The following RAB2B variants were observed in gnomAD, a reference collection of about 807,000 sequenced individuals.
RAB2B encodes ras-related protein Rab-2B.
A neutral mutation model predicts 29.8 loss-of-function variants in RAB2B; 20 were observed. That is an observed-to-expected ratio of 0.67 (90% CI 0.47 to 0.97). The LOEUF (loss-of-function observed/expected upper bound fraction) is 0.97, where lower values mean the gene tolerates loss of function less well. Ranked by LOEUF, RAB2B falls within the 50% of genes least tolerant of loss-of-function variation. RAB2B has a pLI of 0.00. For missense variants in RAB2B, 218 were observed against 272.0 expected (o/e 0.80, Z 1.40); for synonymous variants, 93 against 91.7 (o/e 1.01, Z -0.08).
At chr14:21,471,081 G>A (rs943946621) in intron 3 of RAB2B, among the ~76,000 whole-genome samples, 2 of 151,586 alleles carry the variant, frequency 1.3e-5, no homozygotes, top group African/African-American at 2.4e-5. Context: ...GCTAAGGCAG[G>A]AGAACTGCTT....
At chr14:21,475,005 C>T (rs1487885325) in intron 2 of RAB2B, 71 bp from the exon 3 acceptor site, 2 of 1,235,376 alleles carry the variant, frequency 1.6e-6, no homozygotes, top group East Asian at 2.3e-5. Context: ...GAGGTTCCTG[C>T]CTTTCCTCAA....
intron 5 of RAB2B, among the ~76,000 whole-genome samples, chr14:21,464,892 A>G (rs565443424): frequency 1.3e-5 from 2 of 152,224 alleles, no homozygotes; most frequent in African/African-American, 4.8e-5. Context: ...AGTCCCAGCT[A>G]CGTGAGAGGC....
chr14:21,474,670 T>C, intron 3 of RAB2B, 197 bp downstream of exon 3: 1 of 539,960 alleles, frequency 1.9e-6, no homozygotes, highest in Admixed American at 3.4e-5. Context: ...AAACTATTAC[T>C]TGGATCGTTT....
intron 1 of RAB2B, 32 bp downstream of exon 1, chr14:21,476,795 C>G: frequency 6.2e-7 from 1 of 1,612,448 alleles, no homozygotes; most frequent in Middle Eastern, 1.7e-4. Context: ...AATGCCCGCC[C>G]GAGCCTTGAA....
chr14:21,472,720 A>C (rs1199690392), intron 3 of RAB2B, among the ~76,000 whole-genome samples: 1 of 152,042 alleles, frequency 6.6e-6, no homozygotes, highest in Non-Finnish European at 1.5e-5. Context: ...CGTGGCTCTC[A>C]ACTTTCCTTT....
intron 5 of RAB2B, among the ~76,000 whole-genome samples, chr14:21,464,546 G>A (rs1213070874): frequency 6.6e-6 from 1 of 152,154 alleles, no homozygotes; most frequent in African/African-American, 2.4e-5. Context: ...AAACACAGTT[G>A]TCTTAAGTCT....
intron 6 of RAB2B, 58 bp downstream of exon 6, chr14:21,463,597 CA>C (rs1464868653): frequency 8.4e-7 from 1 of 1,191,964 alleles, no homozygotes; most frequent in Non-Finnish European, 1.2e-6. Flanking sequence ...ATTCTGAATA[CA>C]AGGACAAATA....
rs1890486524 is a variant in RAB2B at position 21,459,458 on chromosome 14, A to C, written c.*1738T>G. On this transcript the variant is annotated 3_prime_UTR_variant, in exon 8 of 8. Transcript: ENST00000397762. ...TTAAGTTTTTAACTATGTCAGTCAA[A>C]TTCAATGAACACATAATGAGTAGCA... The C allele has an allele frequency of 6.6e-6, 1 of 152,210 alleles. No individual in the cohort carries two copies. The highest frequency in any genetic ancestry group is 1.5e-5 in the Non-Finnish European group (1 of 68,036). The allele number at this position is 152,210 out of a possible 1,614,324, so 9.4% of individuals were successfully genotyped here. A position where few individuals can be genotyped will look rare whatever the true frequency, so the allele number is the denominator to read the frequency against.
In RAB2B at chr14:21,468,236, A is replaced by G. The variant is rs887672168; in HGVS notation, c.362+121T>C. 36 of 705,942 alleles carry G rather than the reference A, an allele frequency of 5.1e-5. No individual in the cohort carries two copies. In the South Asian group the frequency reaches 7.0e-4, roughly 14 times the overall value. The allele number at this position is 705,942 out of a possible 1,614,324, so 43.7% of individuals were successfully genotyped here. ...TGTGTCATATATATTTTATCACAAC[A>G]AAATTTTTTTTTTTTACTGAAACAC... On this transcript the variant is annotated intron_variant, in intron 5 of 7. Coordinates refer to ENST00000397762, the MANE Select transcript of RAB2B (RefSeq NM_032846.4).
intron 3 of RAB2B, among the ~76,000 whole-genome samples, chr14:21,469,694 C>T (rs1288095845): frequency 1.3e-5 from 2 of 152,166 alleles, no homozygotes; most frequent in Admixed American, 6.5e-5. Context: ...TTTATCCTTA[C>T]ATCCCTACAT....
rs184486418 is a variant in RAB2B at position 21,460,282 on chromosome 14, T to C, written c.*914A>G. Reference sequence around the variant, plus strand: ...AATTCTTAGTGGGAAGTGGATTGTATATGCTTACGAAATTATTTATTTAGG... The same window carrying C: ...AATTCTTAGTGGGAAGTGGATTGTACATGCTTACGAAATTATTTATTTAGG... On this transcript the variant is annotated 3_prime_UTR_variant, in exon 8 of 8. Coordinates refer to ENST00000397762, the MANE Select transcript of RAB2B (RefSeq NM_032846.4). 13 of 518,364 alleles carry C rather than the reference T, an allele frequency of 2.5e-5. No individual in the cohort carries two copies. Among genetic ancestry groups the C allele is most frequent in the Non-Finnish European group, 3.9e-5 (10 of 259,656 alleles). 32.1% of individuals were successfully genotyped at this position (518,364 alleles called of 1,614,324 possible). A position where few individuals can be genotyped will look rare whatever the true frequency, so the allele number is the denominator to read the frequency against.
chr14:21,469,253 T>A (rs926487139), intron 3 of RAB2B, among the ~76,000 whole-genome samples: 2 of 152,170 alleles, frequency 1.3e-5, no homozygotes, highest in African/African-American at 4.8e-5. Context: ...TGCCAAAACC[T>A]GGTCTAATAG....
chr14:21,464,057 T>C (rs1890631515), intron 5 of RAB2B, among the ~76,000 whole-genome samples: 1 of 152,154 alleles, frequency 6.6e-6, no homozygotes, highest in Non-Finnish European at 1.5e-5. Context: ...GCTTATGCTC[T>C]ATTGCTTGTT....
chr14:21,468,478 CAG>C, intron 4 of RAB2B, 29 bp from the exon 5 acceptor site: 2 of 1,596,948 alleles, frequency 1.3e-6, no homozygotes, highest in Non-Finnish European at 1.7e-6. Flanking sequence ...GAATGTGGGT[CAG>C]AGACACATTT....
intron 3 of RAB2B, among the ~76,000 whole-genome samples, chr14:21,469,823 A>C (rs1229300698): frequency 6.6e-6 from 1 of 152,200 alleles, no homozygotes; most frequent in Non-Finnish European, 1.5e-5. Context: ...ACTAATTATA[A>C]CACTGCAATA....
chr14:21,471,442 C>T (rs1345580026), intron 3 of RAB2B, among the ~76,000 whole-genome samples: 1 of 151,786 alleles, frequency 6.6e-6, no homozygotes, highest in Non-Finnish European at 1.5e-5. Flanking sequence ...CATGGTGAAA[C>T]CACGCCTCTA....
chr14:21,464,813 G>A (rs1890649195), intron 5 of RAB2B, among the ~76,000 whole-genome samples: 1 of 152,120 alleles, frequency 6.6e-6, no homozygotes, highest in South Asian at 2.1e-4. Flanking sequence ...AGAACAGCCT[G>A]CACAATACAG....
At chr14:21,466,543 C>T (rs1035118216) in intron 5 of RAB2B, among the ~76,000 whole-genome samples, 2 of 152,222 alleles carry the variant, frequency 1.3e-5, no homozygotes, top group Admixed American at 6.5e-5. Flanking sequence ...CCTGTGGCCA[C>T]AGTTCTCAAA....
In RAB2B at chr14:21,476,823, T is replaced by C. The variant is rs771769394; in HGVS notation, c.46+4A>G. 5 of 1,604,340 alleles carry C rather than the reference T, an allele frequency of 3.1e-6. No homozygotes were observed. In the East Asian group the frequency reaches 6.8e-5, roughly 22 times the overall value. On this transcript the variant is annotated splice_donor_region_variant and intron_variant, in intron 1 of 7. Transcript: ENST00000397762. ...GCCTTGAAGGCGAACCACCTGAGGG[T>C]TACCTGTGTCTCCGATGATGATATA...
Sources: allele counts gnomAD v4.1 joint callset (sites outside exome capture counted in the v4.1 genomes callset), GRCh38; gene constraint gnomAD v4.1.1; transcripts MANE v1.5; gene names NCBI Gene and HGNC (gene_info 2026-07-23, HGNC 2026-07-21).